The following UACA variants were observed in gnomAD, a reference collection of about 807,000 sequenced individuals.
UACA encodes uveal autoantigen with coiled-coil domains and ankyrin repeats.
Under a neutral mutation model 160.5 loss-of-function variants are expected in UACA, and 112 were observed. That is an observed-to-expected ratio of 0.70 (90% CI 0.60 to 0.82). UACA has a LOEUF of 0.82. Ranked by LOEUF, UACA falls within the 40% of genes least tolerant of loss-of-function variation. The pLI is 0.00. For synonymous variants in UACA, 557 were observed against 568.4 expected (o/e 0.98, Z 0.29); for missense variants, 1,574 against 1,614.6 (o/e 0.97, Z 0.43).
intron 1 of UACA, among the ~76,000 whole-genome samples, chr15:70,761,610 C>T (rs371215806): frequency 1.3e-5 from 2 of 152,074 alleles, no homozygotes; most frequent in South Asian, 2.1e-4. Flanking sequence ...TTCCTCATTA[C>T]GCTTTTATTT....
intron 8 of UACA, among the ~76,000 whole-genome samples, chr15:70,683,633 C>A (rs1897595649): frequency 6.6e-6 from 1 of 151,948 alleles, no homozygotes. Context: ...ATCTCATACA[C>A]CAACAAAAAT....
intron 13 of UACA, 26 bp from the exon 14 acceptor site, chr15:70,672,027 T>G: frequency 6.3e-7 from 1 of 1,578,724 alleles, no homozygotes; most frequent in Non-Finnish European, 8.6e-7. Context: ...TAAAATATTT[T>G]AGGGTGAATG....
intron 1 of UACA, among the ~76,000 whole-genome samples, chr15:70,746,976 C>T (rs769182743): frequency 6.6e-6 from 1 of 151,944 alleles, no homozygotes; most frequent in Non-Finnish European, 1.5e-5. Context: ...TACACTGGGG[C>T]CTGTCAGGGG....
chr15:70,662,500 G>A (rs1026106915), intron 17 of UACA, among the ~76,000 whole-genome samples: 2 of 151,808 alleles, frequency 1.3e-5, no homozygotes, highest in Admixed American at 1.3e-4. Flanking sequence ...TCACAGAATT[G>A]GAAAAAACTA....
chr15:70,673,057 T>G (rs1384275843), intron 13 of UACA, among the ~76,000 whole-genome samples: 2 of 152,098 alleles, frequency 1.3e-5, no homozygotes, highest in Non-Finnish European at 2.9e-5. Context: ...GATCGTGCCA[T>G]TGCACTCCAG....
chr15:70,672,853 G>A (rs756509659), intron 13 of UACA, among the ~76,000 whole-genome samples: 49 of 152,218 alleles, frequency 3.2e-4, no homozygotes, highest in Admixed American at 2.0e-4. Context: ...CCAGCACTTC[G>A]GGAGGCTGAG....
the UACA span, among the ~76,000 whole-genome samples, chr15:70,770,138 G>A: frequency 6.6e-6 from 1 of 152,014 alleles, no homozygotes; most frequent in Admixed American, 6.5e-5. Context: ...TTCCCTTTCT[G>A]GAAGGAAATA....
chr15:70,719,561 A>G (rs1356346496), intron 1 of UACA, among the ~76,000 whole-genome samples: 1 of 152,240 alleles, frequency 6.6e-6, no homozygotes, highest in East Asian at 1.9e-4. Flanking sequence ...AGATAAAAAG[A>G]AAAAATACAA....
intron 7 of UACA, among the ~76,000 whole-genome samples, chr15:70,686,886 T>C (rs2140942507): frequency 6.6e-6 from 1 of 152,260 alleles, no homozygotes; most frequent in South Asian, 2.1e-4. Flanking sequence ...AGAATTGTAA[T>C]ACAACAAGCA....
chr15:70,664,483 T>C (rs143631981), intron 17 of UACA, among the ~76,000 whole-genome samples, 179 bp downstream of exon 17: 1 of 152,324 alleles, frequency 6.6e-6, no homozygotes, highest in East Asian at 1.9e-4. Context: ...TGGTGTATAG[T>C]AGGCATCAAA....
chr15:70,699,188 A>G (rs1383815745), intron 2 of UACA, among the ~76,000 whole-genome samples: 1 of 152,164 alleles, frequency 6.6e-6, no homozygotes, highest in African/African-American at 2.4e-5. Flanking sequence ...AACCTCTGCA[A>G]ACTTTTTCCC....
At chr15:70,695,150 G>T in intron 2 of UACA, 45 bp from the exon 3 acceptor site, 1 of 1,430,114 alleles carries the variant, frequency 7.0e-7, no homozygotes, top group Non-Finnish European at 9.5e-7. Flanking sequence ...AACAACCAAA[G>T]GTCACCTTAA....
In UACA at chr15:70,736,560, G is replaced by A. The variant is rs950623953; in HGVS notation, c.78+26770C>T. Among the ~76,000 whole-genome samples, 11 of 151,930 alleles carry A rather than the reference G, an allele frequency of 7.2e-5. No individual in the cohort carries two copies. The East Asian group carries it at 1.2e-3, about 16-fold the overall frequency. The stretch of plus-strand genomic sequence containing the variant: ...AGCAATTTTCCTGCCTCAGCCTCCC[G>A]AATAGCAGGGATTACAAGCACTCAC... On this transcript the variant is annotated intron_variant, in intron 1 of 18. Transcript: ENST00000322954.
chr15:70,754,865 T>C (rs924073654), intron 1 of UACA, among the ~76,000 whole-genome samples: 3 of 152,222 alleles, frequency 2.0e-5, no homozygotes, highest in African/African-American at 7.2e-5. Flanking sequence ...AAGCTTTTAA[T>C]TGTATTATGA....
At chr15:70,759,442 G>C (rs530900801) in intron 1 of UACA, among the ~76,000 whole-genome samples, 1 of 152,186 alleles carries the variant, frequency 6.6e-6, no homozygotes, top group African/African-American at 2.4e-5. Flanking sequence ...GATCACCTGA[G>C]GTCAGAAGTT....
At chr15:70,689,509 A>G (rs1897849920) in intron 5 of UACA, among the ~76,000 whole-genome samples, 1 of 152,160 alleles carries the variant, frequency 6.6e-6, no homozygotes, top group African/African-American at 2.4e-5. Flanking sequence ...AAAGAAATGC[A>G]TTGTGTGAGA....
In UACA at chr15:70,676,599, G is replaced by C. The variant is rs201856922; in HGVS notation, c.1033-8C>G. 1.2e-6 allele frequency: 2 copies of C among 1,604,440 alleles called. No homozygotes were observed. ...GGACTTCAGCTTTTCTCTCTGAAAT[G>C]AAACAGAATAAATACAGTAAAATCA... On this transcript the variant is annotated splice_polypyrimidine_tract_variant and splice_region_variant and intron_variant, in intron 12 of 18. Transcript: ENST00000322954.
At chr15:70,665,052 T>C (rs557401210) in intron 16 of UACA, 94 of 332,570 alleles carry the variant, frequency 2.8e-4, no homozygotes, top group Non-Finnish European at 4.3e-4. Context: ...ATATTACATA[T>C]ATCCTAAGAT....
At chr15:70,717,685 A>G (rs558916963) in intron 1 of UACA, among the ~76,000 whole-genome samples, 3 of 152,322 alleles carry the variant, frequency 2.0e-5, no homozygotes, top group African/African-American at 7.2e-5. Context: ...ATATTTTACT[A>G]TCTGCAAAAT....
Sources: allele counts gnomAD v4.1 joint callset (sites outside exome capture counted in the v4.1 genomes callset), GRCh38; gene constraint gnomAD v4.1.1; transcripts MANE v1.5; gene names NCBI Gene and HGNC (gene_info 2026-07-23, HGNC 2026-07-21).